Variants in TBC1D5 observed in about 807,000 individuals in gnomAD.
TBC1D5 encodes TBC1 domain family member 5.
Under a neutral mutation model 100.3 loss-of-function variants are expected in TBC1D5, and 75 were observed. The observed-to-expected ratio is 0.75, with a 90% confidence interval of 0.62 to 0.91. The LOEUF (loss-of-function observed/expected upper bound fraction) is 0.91. Among genes scored for constraint, TBC1D5 ranks in the 40% least tolerant of loss-of-function variants. TBC1D5 has a pLI of 0.00. For synonymous variants in TBC1D5, 323 were observed against 325.6 expected, an observed-to-expected ratio of 0.99 and a Z score of 0.09; for missense variants, 910 against 942.4, an observed-to-expected ratio of 0.97 and a Z score of 0.45.
At chr3:17,402,109 A>G (rs1473323767) in intron 8 of TBC1D5, among the ~76,000 whole-genome samples, 1 of 152,160 alleles carries the variant, frequency 6.6e-6, no homozygotes, top group African/African-American at 2.4e-5. Context: ...CTGTGGTTTC[A>G]TTTACTCTAA....
intron 17 of TBC1D5, among the ~76,000 whole-genome samples, chr3:17,235,790 T>G (rs1305329084): frequency 2.0e-5 from 3 of 152,202 alleles, no homozygotes; most frequent in Non-Finnish European, 4.4e-5. Context: ...TACACTATCT[T>G]CTATCGTCTA....
At chr3:17,508,206 T>C (rs2095863575) in intron 3 of TBC1D5, among the ~76,000 whole-genome samples, 1 of 152,236 alleles carries the variant, frequency 6.6e-6, no homozygotes, top group African/African-American at 2.4e-5. Flanking sequence ...ATTCTTATGC[T>C]GAAGTCATTG....
In TBC1D5 at chr3:17,169,367, A is replaced by G. The variant is rs183041158; in HGVS notation, c.1853-1539T>C. Among the ~76,000 whole-genome samples, 4 of 152,358 alleles carry G rather than the reference A, an allele frequency of 2.6e-5. No homozygotes were observed. In the East Asian group the frequency reaches 7.7e-4, roughly 29 times the overall value. The stretch of plus-strand genomic sequence containing the variant: ...GGAGCTTGCATATCAAAACACTACT[A>G]TTCTAAATATTTCCAAAAAGTATTT... On this transcript the variant is annotated intron_variant, in intron 19 of 21. Coordinates refer to ENST00000253692, the Ensembl canonical transcript of TBC1D5.
intron 2 of TBC1D5, among the ~76,000 whole-genome samples, chr3:17,544,743 A>G (rs1204901289): frequency 1.3e-5 from 2 of 152,176 alleles, no homozygotes; most frequent in Non-Finnish European, 1.5e-5. Flanking sequence ...GGTGAAATAA[A>G]GGAGGAGGAA....
chr3:17,431,717 T>C (rs1469231199), intron 3 of TBC1D5, among the ~76,000 whole-genome samples: 3 of 152,058 alleles, frequency 2.0e-5, no homozygotes, highest in African/African-American at 7.2e-5. Context: ...TGGCTTAAAT[T>C]ATAAGAAAAT....
chr3:17,705,081 C>T (rs1407005631), intron 1 of TBC1D5, among the ~76,000 whole-genome samples: 10 of 127,006 alleles, frequency 7.9e-5, no homozygotes, highest in African/African-American at 2.6e-4. Flanking sequence ...CCGGACGGCA[C>T]GGCTGGCCAG....
intron 19 of TBC1D5, among the ~76,000 whole-genome samples, chr3:17,174,300 T>C (rs1418480492): frequency 1.3e-5 from 2 of 152,110 alleles, no homozygotes; most frequent in African/African-American, 2.4e-5. Flanking sequence ...GTTCTAAATA[T>C]GGTGCTCAAG....
At chr3:17,566,617 T>C (rs1372464138) in intron 2 of TBC1D5, among the ~76,000 whole-genome samples, 2 of 151,918 alleles carry the variant, frequency 1.3e-5, no homozygotes, top group Non-Finnish European at 3.0e-5. Context: ...CAATAAATTT[T>C]AAATAAACTA....
chr3:17,364,069 T>C (rs1559724994), intron 13 of TBC1D5, among the ~76,000 whole-genome samples: 1 of 152,054 alleles, frequency 6.6e-6, no homozygotes, highest in Non-Finnish European at 1.5e-5. Context: ...TAGTCAAATT[T>C]CCAGCTTACC....
At chr3:17,282,552 T>G (rs919538462) in intron 15 of TBC1D5, among the ~76,000 whole-genome samples, 1 of 152,206 alleles carries the variant, frequency 6.6e-6, no homozygotes, top group Non-Finnish European at 1.5e-5. Context: ...ATCACAATTC[T>G]AATGAGTTAA....
At chr3:17,399,810 G>A (rs558680376) in intron 8 of TBC1D5, among the ~76,000 whole-genome samples, 16 of 152,086 alleles carry the variant, frequency 1.1e-4, no homozygotes, top group South Asian at 1.0e-3. Context: ...TCTAAACACT[G>A]AGCTCATTTT....
At chr3:17,680,091 C>T (rs1245338600) in intron 1 of TBC1D5, among the ~76,000 whole-genome samples, 2 of 151,410 alleles carry the variant, frequency 1.3e-5, no homozygotes, top group Non-Finnish European at 2.9e-5. Context: ...GAAGGAAACA[C>T]TTTTATCAGT....
chr3:17,256,317 T>C (rs1041621637), intron 16 of TBC1D5, among the ~76,000 whole-genome samples: 1 of 151,004 alleles, frequency 6.6e-6, no homozygotes, highest in Non-Finnish European at 1.5e-5. Context: ...AGCTTTGCAA[T>C]TGCAAAAGAC....
chr3:17,730,028 T>G (rs1474554538), intron 1 of TBC1D5, among the ~76,000 whole-genome samples: 1 of 152,014 alleles, frequency 6.6e-6, no homozygotes, highest in Admixed American at 6.6e-5. Flanking sequence ...GGAGAATCGC[T>G]TGAACCAGAG....
At chr3:17,501,905 G>C (rs2095791689) in intron 3 of TBC1D5, among the ~76,000 whole-genome samples, 1 of 149,546 alleles carries the variant, frequency 6.7e-6, no homozygotes, top group Admixed American at 6.6e-5. Flanking sequence ...ACTCCCCACA[G>C]ATCTTCACAT....
chr3:17,168,611 G>A (rs1355198810), intron 19 of TBC1D5, among the ~76,000 whole-genome samples: 2 of 152,196 alleles, frequency 1.3e-5, no homozygotes, highest in Non-Finnish European at 2.9e-5. Flanking sequence ...GCAAGGGGCC[G>A]GGGTTGGGAG....
intron 15 of TBC1D5, among the ~76,000 whole-genome samples, chr3:17,289,469 A>G (rs1453311960): frequency 6.6e-6 from 1 of 152,010 alleles, no homozygotes; most frequent in African/African-American, 2.4e-5. Flanking sequence ...CCCCATATCT[A>G]CTAAAAATAC....
intron 16 of TBC1D5, among the ~76,000 whole-genome samples, chr3:17,252,223 T>G (rs1205264095): frequency 6.6e-6 from 1 of 152,180 alleles, no homozygotes; most frequent in African/African-American, 2.4e-5. Flanking sequence ...GTCTTTTAAC[T>G]TGCTTAAGCA....
chr3:17,706,211 G>T lies in TBC1D5; in HGVS notation c.-101+33132C>A, dbSNP rs958556510. On this transcript the variant is annotated intron_variant, in intron 1 of 21. Coordinates refer to ENST00000253692, the Ensembl canonical transcript of TBC1D5. ...GCCTCTTCTCCGGCATCGCGGCGAG[G>T]CCCAGGCTGTGGAGGCGGCGGCCAC... 309 of 1,550,710 alleles carry T rather than the reference G, an allele frequency of 2.0e-4. 4 individuals are homozygous for T. The highest frequency in any genetic ancestry group is 1.1e-3 in the Middle Eastern group (5 of 4,364).
Sources: allele counts gnomAD v4.1 joint callset (sites outside exome capture counted in the v4.1 genomes callset), GRCh38; gene constraint gnomAD v4.1.1; transcripts MANE v1.5; gene names NCBI Gene and HGNC (gene_info 2026-07-23, HGNC 2026-07-21).